Variants in ATF7IP observed in about 807,000 individuals in gnomAD.
ATF7IP encodes activating transcription factor 7-interacting protein 1.
Under a neutral mutation model 106.4 loss-of-function variants are expected in ATF7IP, and 23 were observed. The ratio of observed to expected loss-of-function variants is 0.22; its 90% CI spans 0.16 to 0.31. ATF7IP has a LOEUF of 0.31. Ranked by LOEUF, ATF7IP falls within the 10% of genes least tolerant of loss-of-function variation. The pLI is 1.00. For missense variants in ATF7IP, 1,334 were observed against 1,524.3 expected, an observed-to-expected ratio of 0.88 and a Z score of 2.08; for synonymous variants, 542 against 539.0, an observed-to-expected ratio of 1.01 and a Z score of -0.08.
chr12:14,418,481 GTT>G, intron 1 of ATF7IP, among the ~76,000 whole-genome samples: 1 of 152,236 alleles, frequency 6.6e-6, no homozygotes, highest in Non-Finnish European at 1.5e-5. Flanking sequence ...TTATAGAATA[GTT>G]TTATGAATGG....
At position 14,497,883 on chromosome 12, in the gene ATF7IP, C is replaced by T. The variant is rs1292315584; in HGVS notation, c.3623C>T (p.Thr1208Ile). 1 of 1,614,060 alleles carries T rather than the reference C, an allele frequency of 6.2e-7. No individual in the cohort carries two copies. ...LYAYHEEPSA[T>I]VPSQWKKIGE... ...GCTTACCATGAGGAACCCAGTGCCA[C>T]TGTGCCCTCACAATGGAAAAAGATT... The change falls in exon 15 of 15, where the codon ACT becomes ATT. Residue 1208 changes from threonine to isoleucine, a missense_variant. Thr to Ile is a moderately conservative substitution (Grantham distance 89, BLOSUM62 -1). Around this residue, in one of 10 missense-constraint regions of ATF7IP, gnomAD observed 80 missense variants for 157.0 expected, o/e 0.51. Transcript: ENST00000261168.
intron 2 of ATF7IP, among the ~76,000 whole-genome samples, chr12:14,427,049 CTT>C (rs952159935): frequency 1.3e-5 from 2 of 151,954 alleles, no homozygotes; most frequent in African/African-American, 4.8e-5. Context: ...ATTAAGGTAA[CTT>C]TATTAGAGCA....
intron 9 of ATF7IP, among the ~76,000 whole-genome samples, chr12:14,462,293 C>T (rs1943672208): frequency 6.6e-6 from 1 of 152,066 alleles, no homozygotes; most frequent in Admixed American, 6.5e-5. Context: ...GTTTACAACA[C>T]TAAAAGAGAT....
chr12:14,370,789 C>G (rs1938500723), intron 1 of ATF7IP, among the ~76,000 whole-genome samples: 1 of 151,810 alleles, frequency 6.6e-6, no homozygotes, highest in Non-Finnish European at 1.5e-5. Context: ...TGGTTTAGGA[C>G]ATGATGACAT....
rs1942395221 is a variant in ATF7IP at position 14,436,187 on chromosome 12, A to G, written c.1727A>G (p.Glu576Gly). 3.7e-6 allele frequency: 6 copies of G among 1,613,804 alleles called. No individual in the cohort carries two copies. The East Asian group carries it at 1.3e-4, about 36-fold the overall frequency. ...AAACGTCGTCGATATATGGAAGAAG[A>G]ATATGAGGCAGAATTTCAAGTAAAG... ...QSKRRRYMEE[E>G]YEAEFQVKIT... The change falls in exon 4 of 15, where the codon GAA (glutamate) becomes GGA (glycine). Residue 576 changes from glutamate (E) to glycine (G), a missense_variant. Physicochemically the swap from Glu to Gly is moderately conservative, Grantham distance 98. Transcript: ENST00000261168.
intron 14 of ATF7IP, 96 bp downstream of exon 14, chr12:14,496,439 G>T: frequency 5.5e-6 from 4 of 729,510 alleles, no homozygotes; most frequent in South Asian, 1.8e-5. Flanking sequence ...TATATCCAAG[G>T]GAAGTGTTAG....
At chr12:14,472,871 C>T (rs2136776405) in intron 10 of ATF7IP, among the ~76,000 whole-genome samples, 1 of 152,166 alleles carries the variant, frequency 6.6e-6, no homozygotes, top group East Asian at 1.9e-4. Flanking sequence ...AATGAAATAC[C>T]TGAGACTCAG....
intron 1 of ATF7IP, among the ~76,000 whole-genome samples, chr12:14,381,633 T>C (rs1334536970): frequency 6.6e-6 from 1 of 152,214 alleles, no homozygotes. Context: ...TAGGTGTTTT[T>C]GGTTCATCAT....
chr12:14,484,739 T>C (rs934492509), intron 13 of ATF7IP, among the ~76,000 whole-genome samples: 3 of 152,188 alleles, frequency 2.0e-5, no homozygotes, highest in Non-Finnish European at 4.4e-5. Context: ...AGTGGAGATA[T>C]GGGCATTTGA....
chr12:14,444,206 T>A (rs1209625587), intron 5 of ATF7IP, among the ~76,000 whole-genome samples: 3 of 152,196 alleles, frequency 2.0e-5, no homozygotes, highest in Admixed American at 1.3e-4. Flanking sequence ...TAACTAAAAA[T>A]GTCTATTTTA....
chr12:14,439,285 A>G (rs1315083202), intron 5 of ATF7IP, among the ~76,000 whole-genome samples: 7 of 152,188 alleles, frequency 4.6e-5, no homozygotes, highest in Admixed American at 4.6e-4. Context: ...ATAGGGCCTT[A>G]TTTTGCAAAT....
chr12:14,444,068 G>A (rs1443312283), intron 5 of ATF7IP, among the ~76,000 whole-genome samples: 1 of 152,120 alleles, frequency 6.6e-6, no homozygotes, highest in Non-Finnish European at 1.5e-5. Flanking sequence ...TCAAATCACA[G>A]TATAGTTCAA....
chr12:14,486,825 T>TGC (rs1944635362), intron 13 of ATF7IP, among the ~76,000 whole-genome samples: 2 of 151,888 alleles, frequency 1.3e-5, no homozygotes, highest in Admixed American at 1.3e-4. Context: ...GTTCAGTGAC[T>TGC]AAGGTTCCCA....
At chr12:14,408,599 T>C (rs957973297) in intron 1 of ATF7IP, 2 of 152,160 alleles carry the variant, frequency 1.3e-5, no homozygotes, top group Admixed American at 1.3e-4. Flanking sequence ...GAAGCAAAGG[T>C]AGATTTCTTT....
At chr12:14,443,365 C>A (rs576405505) in intron 5 of ATF7IP, among the ~76,000 whole-genome samples, 1 of 152,072 alleles carries the variant, frequency 6.6e-6, no homozygotes, top group Non-Finnish European at 1.5e-5. Context: ...ATCTGTGAAA[C>A]CTCTAGCACA....
At chr12:14,401,181 CTTAT>C (rs1940170615) in intron 1 of ATF7IP, among the ~76,000 whole-genome samples, 1 of 151,866 alleles carries the variant, frequency 6.6e-6, no homozygotes, top group Non-Finnish European at 1.5e-5. Context: ...CCATTTCTTC[CTTAT>C]TTGTTACGTT....
At chr12:14,405,225 T>A (rs929717329) in intron 1 of ATF7IP, among the ~76,000 whole-genome samples, 1 of 152,024 alleles carries the variant, frequency 6.6e-6, no homozygotes, top group African/African-American at 2.4e-5. Flanking sequence ...TGAAGGAAGA[T>A]GTAGAATTAT....
intron 1 of ATF7IP, among the ~76,000 whole-genome samples, chr12:14,375,212 T>A (rs1378170563): frequency 6.8e-6 from 1 of 146,896 alleles, no homozygotes; most frequent in Middle Eastern, 3.2e-3. Context: ...ATGTCAGAAC[T>A]TTTTTTTTTT....
Position 14,466,511 on chromosome 12 carries a change from T to G in ATF7IP, c.2798-15T>G. On this transcript the variant is annotated splice_polypyrimidine_tract_variant and intron_variant, in intron 9 of 14. Coordinates refer to ENST00000261168, the MANE Select transcript of ATF7IP (RefSeq NM_018179.5). Reference sequence around the variant, plus strand: ...TTTGTAGATGTTTTTAAAAATGGCTTTTTTTACTTTTCAGAAAACCAGACA... The same window carrying G: ...TTTGTAGATGTTTTTAAAAATGGCTGTTTTTACTTTTCAGAAAACCAGACA... 6.3e-7 allele frequency: 1 copy of G among 1,593,818 alleles called. No homozygotes were observed. The highest frequency in any genetic ancestry group is 8.5e-7 in the Non-Finnish European group (1 of 1,173,672).
Sources: gnomAD v4.1 joint callset for allele counts (sites outside exome capture counted in the v4.1 genomes callset) on GRCh38, gnomAD v4.1.1 for gene constraint, gnomAD v4.1.1 regional missense constraint, MANE v1.5 for transcripts, NCBI Gene and HGNC (gene_info 2026-07-23, HGNC 2026-07-21) for gene names.